The following DLC1 variants were observed in gnomAD, a reference collection of about 807,000 sequenced individuals.
DLC1 encodes rho GTPase-activating protein 7.
A neutral mutation model predicts 140.3 loss-of-function variants in DLC1; 54 were observed. That is an observed-to-expected ratio of 0.38 (90% CI 0.31 to 0.48). The LOEUF (loss-of-function observed/expected upper bound fraction) is 0.48, where lower values mean the gene tolerates loss of function less well. Ranked by LOEUF, DLC1 falls within the 20% of genes least tolerant of loss-of-function variation. The pLI is 0.96. For synonymous variants in DLC1, 986 were observed against 728.1 expected (o/e 1.35, Z -5.70); for missense variants, 2,536 against 1,907.0 (o/e 1.33, Z -6.14).
At chr8:13,123,186 C>T (rs1585695535) in intron 5 of DLC1, among the ~76,000 whole-genome samples, 2 of 152,272 alleles carry the variant, frequency 1.3e-5, no homozygotes, top group South Asian at 4.1e-4. Context: ...GTACACGTCA[C>T]GTTAGTGAGT....
intron 4 of DLC1, among the ~76,000 whole-genome samples, chr8:13,359,015 T>G (rs1288717300): frequency 6.6e-6 from 1 of 152,180 alleles, no homozygotes; most frequent in Non-Finnish European, 1.5e-5. Context: ...CTAGGCTCAC[T>G]GCAAGCTCCG....
At chr8:13,321,611 C>T (rs1833127613) in intron 4 of DLC1, among the ~76,000 whole-genome samples, 2 of 149,160 alleles carry the variant, frequency 1.3e-5, no homozygotes, top group African/African-American at 4.9e-5. Flanking sequence ...AGAGAATGTC[C>T]CCAATGTAAT....
intron 5 of DLC1, among the ~76,000 whole-genome samples, chr8:13,281,571 T>C (rs1264210045): frequency 2.6e-5 from 4 of 152,190 alleles, no homozygotes; most frequent in Non-Finnish European, 4.4e-5. Context: ...TAAATAAATA[T>C]ATACACTGGG....
chr8:13,102,637 G>A (rs1014492937), intron 8 of DLC1, among the ~76,000 whole-genome samples, 153 bp downstream of exon 8: 1 of 152,220 alleles, frequency 6.6e-6, no homozygotes, highest in Non-Finnish European at 1.5e-5. Flanking sequence ...AACTACATAA[G>A]GCTATCAAGT....
chr8:13,465,164 A>T (rs2117042050), intron 2 of DLC1, among the ~76,000 whole-genome samples: 1 of 152,138 alleles, frequency 6.6e-6, no homozygotes, highest in South Asian at 2.1e-4. Context: ...GGTCTTTTGG[A>T]TTATTTCTAG....
rs920136002 is a variant in DLC1 at position 13,566,978 on chromosome 8, C to G, written c.-126+37559G>C. The G allele has an allele frequency of 7.8e-6, 12 of 1,533,386 alleles. No homozygotes were observed. In the Admixed American group the frequency reaches 1.2e-4, roughly 16 times the overall value. The allele number at this position is 1,533,386 out of a possible 1,614,324, so 95.0% of individuals were successfully genotyped here. ...TGGGCAAAGGAGATGAGGAGCCGAGCCTGATGCATTGTGATGGCCATCTGC... is the reference window on the plus strand; with the variant it reads ...TGGGCAAAGGAGATGAGGAGCCGAGGCTGATGCATTGTGATGGCCATCTGC... On this transcript the variant is annotated intron_variant, in intron 1 of 1. Transcript: ENST00000631382.
chr8:13,221,452 C>CTTCCAACT (rs1170684720), intron 5 of DLC1, among the ~76,000 whole-genome samples: 1 of 151,372 alleles, frequency 6.6e-6, no homozygotes, highest in East Asian at 1.9e-4. Flanking sequence ...CTCACTGCAC[C>CTTCCAACT]TTCCAACTCC....
chr8:13,506,581 G>GTGTATATATATATATATATA (rs1246764417), intron 1 of DLC1, among the ~76,000 whole-genome samples: 1 of 131,142 alleles, frequency 7.6e-6, no homozygotes, highest in African/African-American at 3.2e-5. Flanking sequence ...GTGTGTGTGT[G>GTGTATATATATATATATATA]TATATATATA....
chr8:13,211,853 T>C (rs1004557840), intron 5 of DLC1, among the ~76,000 whole-genome samples: 3 of 152,222 alleles, frequency 2.0e-5, no homozygotes, highest in African/African-American at 7.2e-5. Flanking sequence ...AGAGGCTTTT[T>C]TGGAAACATA....
chr8:13,362,470 C>T (rs1274348590), intron 4 of DLC1, among the ~76,000 whole-genome samples: 1 of 152,092 alleles, frequency 6.6e-6, no homozygotes, highest in Non-Finnish European at 1.5e-5. Flanking sequence ...TGAGGCAGTG[C>T]CTGGAATTAG....
chr8:13,557,588 G>C (rs1804093283), intron 1 of DLC1: 1 of 152,148 alleles, frequency 6.6e-6, no homozygotes, highest in South Asian at 2.1e-4. Flanking sequence ...GTTCTCAGGA[G>C]AGCTGATGGT....
At chr8:13,394,877 T>C (rs1563311451) in intron 3 of DLC1, among the ~76,000 whole-genome samples, 1 of 152,162 alleles carries the variant, frequency 6.6e-6, no homozygotes, top group Non-Finnish European at 1.5e-5. Flanking sequence ...CACTCTGTTG[T>C]CAGCTTGAAT....
At chr8:13,095,648 G>A (rs1007589638) in intron 10 of DLC1, 8 of 182,848 alleles carry the variant, frequency 4.4e-5, no homozygotes, top group South Asian at 1.4e-4. Flanking sequence ...ACAGAATGGC[G>A]GTATAGGAAG....
intron 9 of DLC1, 50 bp from the exon 10 acceptor site, chr8:13,098,625 T>C: frequency 6.5e-7 from 1 of 1,534,688 alleles, no homozygotes; most frequent in Non-Finnish European, 8.8e-7. Context: ...TTTATTTGAT[T>C]TTATTTATTT....
At chr8:13,368,895 C>T (rs1835609748) in intron 4 of DLC1, among the ~76,000 whole-genome samples, 1 of 152,120 alleles carries the variant, frequency 6.6e-6, no homozygotes, top group African/African-American at 2.4e-5. Flanking sequence ...GTGATCTTGG[C>T]TCACTGCCAC....
chr8:13,496,018 T>C (rs908787239), intron 2 of DLC1, among the ~76,000 whole-genome samples: 1 of 152,228 alleles, frequency 6.6e-6, no homozygotes, highest in African/African-American at 2.4e-5. Flanking sequence ...CCTTAATTGA[T>C]TTCACTTTTC....
At chr8:13,374,881 T>C (rs975580323) in intron 4 of DLC1, among the ~76,000 whole-genome samples, 7 of 152,200 alleles carry the variant, frequency 4.6e-5, no homozygotes, top group Non-Finnish European at 8.8e-5. Context: ...TGAGCAGTGG[T>C]TTGCAGTTCT....
At position 13,304,695 on chromosome 8, in the gene DLC1, C is replaced by G. The variant is rs929908277; in HGVS notation, c.1348+574G>C. Reference sequence around the variant, plus strand: ...TATGATTTTTTAAAAACACATAGATCTACCAATCCATGTCTAATTTTTCAT... The same window carrying G: ...TATGATTTTTTAAAAACACATAGATGTACCAATCCATGTCTAATTTTTCAT... On this transcript the variant is annotated intron_variant, in intron 5 of 17. Transcript: ENST00000276297. 1.0e-5 allele frequency: 10 copies of G among 957,106 alleles called. No homozygotes were observed. In the African/African-American group the frequency reaches 1.6e-4, roughly 15 times the overall value. 59.3% of individuals were successfully genotyped at this position (957,106 alleles called of 1,614,324 possible).
intron 5 of DLC1, among the ~76,000 whole-genome samples, chr8:13,128,553 C>G (rs1334142399): frequency 1.3e-5 from 2 of 152,226 alleles, no homozygotes; most frequent in Non-Finnish European, 2.9e-5. Flanking sequence ...TATGGGCTTG[C>G]TGGACGCGGT....
Sources: allele counts gnomAD v4.1 joint callset (sites outside exome capture counted in the v4.1 genomes callset), GRCh38; gene constraint gnomAD v4.1.1; transcripts MANE v1.5; gene names NCBI Gene and HGNC (gene_info 2026-07-23, HGNC 2026-07-21).